Variants in MYO3A observed in about 807,000 individuals in gnomAD.
MYO3A encodes the protein myosin IIIA.
In MYO3A, 180 loss-of-function variants were observed where a neutral mutation model predicts 192.7. That is an observed-to-expected ratio of 0.93 (90% CI 0.83 to 1.06). The LOEUF (loss-of-function observed/expected upper bound fraction) is 1.06, where lower values mean the gene tolerates loss of function less well. MYO3A is among the 50% of genes least tolerant of loss of function. The pLI, the probability that MYO3A is intolerant of heterozygous loss-of-function variation, is 0.00. For synonymous variants in MYO3A, 628 were observed against 645.3 expected (o/e 0.97, Z 0.41); for missense variants, 1,896 against 1,905.0 (o/e 1.00, Z 0.09).
At chr10:26,044,401 C>T (rs1310740092) in intron 10 of MYO3A, among the ~76,000 whole-genome samples, 1 of 152,148 alleles carries the variant, frequency 6.6e-6, no homozygotes, top group African/African-American at 2.4e-5. Context: ...TTATTTAGCA[C>T]CCTAGAGCAC....
chr10:26,060,243 G>A (rs1476190690), intron 10 of MYO3A, among the ~76,000 whole-genome samples: 3 of 151,272 alleles, frequency 2.0e-5, no homozygotes, highest in Non-Finnish European at 4.4e-5. Context: ...TGGGCAACAG[G>A]AGCGAAACTC....
At chr10:26,072,301 A>G (rs59764643) in intron 14 of MYO3A, among the ~76,000 whole-genome samples, 72,118 of 151,686 alleles carry the variant, frequency 0.48, 17,932 homozygotes, top group Middle Eastern at 0.59. Context: ...ATGTGTTACC[A>G]AAACACCAGG....
chr10:26,018,949 A>C (rs1842128957), intron 7 of MYO3A, among the ~76,000 whole-genome samples: 1 of 152,244 alleles, frequency 6.6e-6, no homozygotes, highest in African/African-American at 2.4e-5. Context: ...AGAATGAGAA[A>C]TTCGTATGAA....
chr10:25,936,269 T>G (rs1836057037), intron 2 of MYO3A, among the ~76,000 whole-genome samples: 1 of 152,216 alleles, frequency 6.6e-6, no homozygotes, highest in East Asian at 1.9e-4. Context: ...AAAAATAACT[T>G]TCTCTGTCAA....
rs1382031444 is a variant in MYO3A at position 26,168,801 on chromosome 10, A to G, written c.3201A>G (p.Arg1067=). 2.2e-5 allele frequency: 36 copies of G among 1,613,284 alleles called. No individual in the cohort carries two copies. Among genetic ancestry groups the G allele is most frequent in the Non-Finnish European group, 3.0e-5 (35 of 1,179,714 alleles). The part of the protein sequence containing the change: ...DKLILIQACV[R]AFLCSRRYQK... ...TTATTTTGATTCAAGCTTGTGTCAG[A>G]GCATTCTTGTGTTCAAGAAGATACC... The change falls in exon 28 of 35, where the codon AGA becomes AGG. Residue 1067 remains arginine, a synonymous_variant. Transcript: ENST00000642920.
intron 28 of MYO3A, among the ~76,000 whole-genome samples, chr10:26,169,100 G>A (rs756087657): frequency 6.6e-6 from 1 of 152,028 alleles, no homozygotes; most frequent in Non-Finnish European, 1.5e-5. Flanking sequence ...TTTCTGTCAA[G>A]AATTAATGGA....
intron 17 of MYO3A, among the ~76,000 whole-genome samples, chr10:26,106,671 G>A (rs1051401055): frequency 6.6e-6 from 1 of 151,810 alleles, no homozygotes; most frequent in Non-Finnish European, 1.5e-5. Flanking sequence ...TTTTATTTAG[G>A]GTTGTTATTA....
chr10:26,181,784 A>C (rs1289592495), intron 31 of MYO3A, among the ~76,000 whole-genome samples: 1 of 152,000 alleles, frequency 6.6e-6, no homozygotes, highest in South Asian at 2.1e-4. Flanking sequence ...AAAAAAAAAA[A>C]AAACCCCACT....
chr10:25,935,507 CA>C (rs1350917422), intron 1 of MYO3A, among the ~76,000 whole-genome samples: 2 of 152,192 alleles, frequency 1.3e-5, no homozygotes, highest in Non-Finnish European at 2.9e-5. Context: ...CCTTCTTAAG[CA>C]TTTTTATAAT....
chr10:25,994,763 T>C (rs1172284514), intron 4 of MYO3A, among the ~76,000 whole-genome samples: 1 of 152,220 alleles, frequency 6.6e-6, no homozygotes, highest in Non-Finnish European at 1.5e-5. Context: ...TCTCCTTCAC[T>C]TATGAAGCTT....
At chr10:26,090,412 C>T (rs184199502) in intron 15 of MYO3A, among the ~76,000 whole-genome samples, 1 of 152,322 alleles carries the variant, frequency 6.6e-6, no homozygotes, top group Non-Finnish European at 1.5e-5. Flanking sequence ...ATATTTAAGG[C>T]ATGCTGTGAA....
At chr10:26,208,336 G>C (rs575021767) in intron 34 of MYO3A, among the ~76,000 whole-genome samples, 1 of 152,094 alleles carries the variant, frequency 6.6e-6, no homozygotes, top group East Asian at 1.9e-4. Flanking sequence ...AGAGACAGGA[G>C]AATTGTGAAA....
At chr10:26,116,814 G>A (rs1486542810) in intron 17 of MYO3A, among the ~76,000 whole-genome samples, 9 of 152,102 alleles carry the variant, frequency 5.9e-5, no homozygotes, top group Admixed American at 5.9e-4. Context: ...CAGCACCCTT[G>A]ATCCCTACTC....
intron 14 of MYO3A, among the ~76,000 whole-genome samples, chr10:26,071,831 A>T (rs115954978): frequency 0.014 from 2,062 of 152,310 alleles, 56 homozygotes; most frequent in African/African-American, 0.047. Context: ...CAAAACTATT[A>T]AAATGGCTAA....
Position 26,203,044 on chromosome 10 carries a change from C to G in MYO3A, c.4667C>G (p.Pro1556Arg), listed in dbSNP as rs973653540. ...CGTTCTGGACCAAAGGAACATAGCC[C>G]TAGTTTAAGAGAACGAAGACCACAG... The part of the protein sequence containing the change: ...PSRSGPKEHS[P>R]SLRERRPQQE... The change falls in exon 34 of 35, where the codon CCT (proline) becomes CGT (arginine). Residue 1556 changes from proline to arginine, a missense_variant. Transcript: ENST00000642920. 2.5e-6 allele frequency: 4 copies of G among 1,613,576 alleles called. No individual in the cohort carries two copies. Among genetic ancestry groups the G allele is most frequent in the Non-Finnish European group, 3.4e-6 (4 of 1,179,806 alleles).
intron 23 of MYO3A, among the ~76,000 whole-genome samples, chr10:26,151,788 G>A (rs1840804295): frequency 6.6e-6 from 1 of 152,200 alleles, no homozygotes; most frequent in African/African-American, 2.4e-5. Flanking sequence ...ATTTCAGGCT[G>A]ACACTTCTCC....
chr10:25,978,308 A>T (rs1034499970), intron 4 of MYO3A, among the ~76,000 whole-genome samples: 1 of 152,364 alleles, frequency 6.6e-6, no homozygotes, highest in East Asian at 1.9e-4. Flanking sequence ...TTTATGAAAG[A>T]AAAAGGTTTA....
At chr10:25,963,520 T>C (rs1838071530) in intron 4 of MYO3A, among the ~76,000 whole-genome samples, 1 of 152,200 alleles carries the variant, frequency 6.6e-6, no homozygotes, top group East Asian at 1.9e-4. Context: ...TATAAAGCCT[T>C]TGCGGACTTG....
intron 4 of MYO3A, among the ~76,000 whole-genome samples, chr10:25,959,285 G>A (rs1408606534): frequency 1.3e-5 from 2 of 152,200 alleles, no homozygotes; most frequent in East Asian, 3.9e-4. Flanking sequence ...CTTACTTAAT[G>A]TAACTTCAGA....
Sources: gnomAD v4.1 joint callset for allele counts (sites outside exome capture counted in the v4.1 genomes callset) on GRCh38, gnomAD v4.1.1 for gene constraint, MANE v1.5 for transcripts, NCBI Gene and HGNC (gene_info 2026-07-23, HGNC 2026-07-21) for gene names.